Variants in POC1B observed in about 807,000 individuals in gnomAD.
POC1B encodes POC1 centriolar protein homolog B.
In POC1B, 44 loss-of-function variants were observed where a neutral mutation model predicts 60.6. That is an observed-to-expected ratio of 0.73 (90% confidence interval 0.57 to 0.93). The LOEUF is 0.93. POC1B is among the 40% of genes least tolerant of loss of function. The probability of loss-of-function intolerance (pLI) is 0.00; values close to 1 mark genes in which losing one functional copy is unlikely to be tolerated. For synonymous variants in POC1B, 180 were observed against 198.9 expected, an observed-to-expected ratio of 0.90 and a Z score of 0.80; for missense variants, 555 against 572.3, an observed-to-expected ratio of 0.97 and a Z score of 0.31.
intron 10 of POC1B, among the ~76,000 whole-genome samples, chr12:89,439,145 T>C (rs1030470305): frequency 6.6e-6 from 1 of 152,232 alleles, no homozygotes; most frequent in Non-Finnish European, 1.5e-5. Context: ...TTCTTTTAAC[T>C]GGTTTCCATG....
intron 9 of POC1B, among the ~76,000 whole-genome samples, chr12:89,463,763 CCTT>C (rs895943295): frequency 6.6e-6 from 1 of 151,954 alleles, no homozygotes; most frequent in Admixed American, 6.6e-5. Flanking sequence ...CATGTGGCCT[CCTT>C]CTCTCATTTA....
At chr12:89,469,187 G>C (rs1312110098) in intron 7 of POC1B, among the ~76,000 whole-genome samples, 1 of 152,150 alleles carries the variant, frequency 6.6e-6, no homozygotes, top group East Asian at 1.9e-4. Context: ...TTGAACCCAG[G>C]AGGCAGAGGT....
chr12:89,518,686 A>G (rs1870601199), intron 2 of POC1B, among the ~76,000 whole-genome samples: 1 of 152,114 alleles, frequency 6.6e-6, no homozygotes, highest in Non-Finnish European at 1.5e-5. Flanking sequence ...TCCCTTTCCC[A>G]GACCCTGGCA....
At chr12:89,516,468 G>A (rs952750453) in intron 2 of POC1B, among the ~76,000 whole-genome samples, 1 of 152,068 alleles carries the variant, frequency 6.6e-6, no homozygotes, top group Admixed American at 6.5e-5. Flanking sequence ...TCATCTGCTG[G>A]TATTACTATA....
chr12:89,468,946 G>T (rs1297374810), intron 7 of POC1B, among the ~76,000 whole-genome samples: 1 of 152,040 alleles, frequency 6.6e-6, no homozygotes, highest in African/African-American at 2.4e-5. Context: ...TTGTCTGGAA[G>T]AAAAGACTAG....
intron 6 of POC1B, among the ~76,000 whole-genome samples, chr12:89,471,294 A>T (rs765478124): frequency 3.9e-5 from 6 of 152,144 alleles, no homozygotes; most frequent in Non-Finnish European, 5.9e-5. Context: ...TGCTCACGTA[A>T]CTCCCTGTGA....
chr12:89,466,940 G>C lies in POC1B; in HGVS notation c.880-18C>G. The C allele has an allele frequency of 6.3e-7, 1 of 1,598,972 alleles. No homozygotes were observed. Among genetic ancestry groups the C allele is most frequent in the Non-Finnish European group, 8.5e-7 (1 of 1,171,448 alleles). ...AATAAGACCTATGAAAAAAGTCAAT[G>C]ATGTTGGCAGTTATTGACTTGCATG... On this transcript the variant is annotated intron_variant, in intron 8 of 11. Coordinates refer to ENST00000313546, the MANE Select transcript of POC1B (RefSeq NM_172240.3).
chr12:89,512,199 T>C (rs2135759161), intron 2 of POC1B, among the ~76,000 whole-genome samples: 1 of 152,334 alleles, frequency 6.6e-6, no homozygotes, highest in African/African-American at 2.4e-5. Flanking sequence ...TACAATTAAC[T>C]GACAGCACTA....
chr12:89,439,155 G>T (rs1881405623), intron 10 of POC1B, among the ~76,000 whole-genome samples: 1 of 152,124 alleles, frequency 6.6e-6, no homozygotes, highest in Non-Finnish European at 1.5e-5. Context: ...TGGTTTCCAT[G>T]TGTCTCTTCA....
rs200082142 is a variant in POC1B, at chr12:89,421,235, C to T, written c.1355G>A (p.Arg452Gln). ...CAGCTTATCCTCTGTCAAAGTCAGT[C>T]GCTGCTCCAAGATTGAAACAGTCTG... is the stretch of plus-strand genomic sequence containing the variant. ...LTQTVSILEQRLTLTEDKLKD... is the reference protein window; with the variant it reads ...LTQTVSILEQQLTLTEDKLKD... The change falls in exon 12 of 12, where the codon CGA (arginine) becomes CAA (glutamine). Residue 452 changes from arginine (R) to glutamine (Q), a missense_variant. Coordinates refer to ENST00000313546, the MANE Select transcript of POC1B (RefSeq NM_172240.3). The T allele has an allele frequency of 8.1e-6, 13 of 1,598,018 alleles. No individual in the cohort carries two copies. Among genetic ancestry groups the T allele is most frequent in the East Asian group, 6.7e-5 (3 of 44,648 alleles).
chr12:89,443,605 T>C (rs1364974033), intron 10 of POC1B, among the ~76,000 whole-genome samples: 1 of 151,382 alleles, frequency 6.6e-6, no homozygotes, highest in African/African-American at 2.4e-5. Context: ...TTCAAAGCAG[T>C]GTGTAGAGGG....
chr12:89,512,086 A>C (rs1870216578), intron 2 of POC1B, among the ~76,000 whole-genome samples: 1 of 152,288 alleles, frequency 6.6e-6, no homozygotes, highest in East Asian at 1.9e-4. Flanking sequence ...AGTGAGGGAG[A>C]GGGTTGTACA....
chr12:89,525,814 A>T, intron 1 of POC1B, 67 bp downstream of exon 1: 1 of 1,397,146 alleles, frequency 7.2e-7, no homozygotes. Context: ...TTCGGCCCGG[A>T]CCTGGCCCCG....
chr12:89,525,586 A>T (rs932774232), intron 1 of POC1B: 7 of 1,279,056 alleles, frequency 5.5e-6, no homozygotes, highest in Non-Finnish European at 6.9e-6. Flanking sequence ...GGTGATTCTG[A>T]CGCAGGCGCT....
At chr12:89,448,018 A>G (rs548833231) in intron 10 of POC1B, among the ~76,000 whole-genome samples, 55 of 152,274 alleles carry the variant, frequency 3.6e-4, no homozygotes, top group Non-Finnish European at 6.9e-4. Context: ...ACTGGAAGAC[A>G]TAGCCTGGAT....
intron 1 of POC1B, chr12:89,525,564 T>A (rs1473332338): frequency 4.7e-6 from 6 of 1,279,814 alleles, no homozygotes; most frequent in Non-Finnish European, 4.9e-6. Context: ...TTTTTTTTTT[T>A]AATACTTCCT....
chr12:89,467,561 G>A, intron 8 of POC1B, 56 bp downstream of exon 8: 1 of 1,416,464 alleles, frequency 7.1e-7, no homozygotes, highest in Non-Finnish European at 9.9e-7. Context: ...TCTTAGCTGA[G>A]GTCAAGGATT....
intron 2 of POC1B, among the ~76,000 whole-genome samples, chr12:89,507,266 C>CAAAAA (rs34750133): frequency 1.6e-5 from 1 of 64,050 alleles, no homozygotes; most frequent in African/African-American, 7.2e-5. Flanking sequence ...GGCCCTGTCT[C>CAAAAA]AAAAAAAAAA....
intron 11 of POC1B, among the ~76,000 whole-genome samples, chr12:89,422,857 T>C (rs1880600408): frequency 6.6e-6 from 1 of 152,244 alleles, no homozygotes; most frequent in Admixed American, 6.5e-5. Context: ...CTATCATCTT[T>C]TGAATGCAAC....
Sources: allele counts gnomAD v4.1 joint callset (sites outside exome capture counted in the v4.1 genomes callset), GRCh38; gene constraint gnomAD v4.1.1; transcripts MANE v1.5; gene names NCBI Gene and HGNC (gene_info 2026-07-23, HGNC 2026-07-21).